Variants in MBP observed in about 807,000 individuals in gnomAD.
MBP encodes Golli-MBP.
MBP carries 16 observed loss-of-function variants against 35.8 expected under a neutral mutation model. The observed-to-expected ratio is 0.45, with a 90% confidence interval of 0.30 to 0.68. MBP has a LOEUF of 0.68. Among genes scored for constraint, MBP ranks in the 30% least tolerant of loss-of-function variants. The pLI, the probability that MBP is intolerant of heterozygous loss-of-function variation, is 0.08. For synonymous variants in MBP, 143 were observed against 159.6 expected (o/e 0.90, Z 0.78); for missense variants, 380 against 404.7 (o/e 0.94, Z 0.52).
At chr18:77,114,222 CAAAAATCACTTTAAAA>C (rs1976573094) in intron 1 of MBP, 1 of 152,144 alleles carries the variant, frequency 6.6e-6, no homozygotes, top group African/African-American at 2.4e-5. Flanking sequence ...TTAAAGTTAT[CAAAAATCACTTTAAAA>C]GAAAATGACG....
chr18:77,079,435 C>A (rs1423487292), intron 2 of MBP, among the ~76,000 whole-genome samples: 1 of 152,186 alleles, frequency 6.6e-6, no homozygotes, highest in African/African-American at 2.4e-5. Context: ...CCAGGACATA[C>A]AATGTTTAGG....
chr18:76,996,974 G>A (rs1970303562), intron 4 of MBP, among the ~76,000 whole-genome samples: 1 of 152,160 alleles, frequency 6.6e-6, no homozygotes, highest in African/African-American at 2.4e-5. Flanking sequence ...GGCAGTCTCA[G>A]GTCTCCCCTG....
At chr18:77,034,426 C>T (rs1398153441) in intron 3 of MBP, among the ~76,000 whole-genome samples, 1 of 152,132 alleles carries the variant, frequency 6.6e-6, no homozygotes, top group Non-Finnish European at 1.5e-5. Flanking sequence ...AGTGCAGACT[C>T]CAGTTGAGCC....
chr18:77,110,372 A>G (rs1320565710), intron 1 of MBP: 3 of 152,024 alleles, frequency 2.0e-5, no homozygotes, highest in Non-Finnish European at 2.9e-5. Context: ...TGGGCCCTGA[A>G]CTCTTTGCTT....
intron 3 of MBP, among the ~76,000 whole-genome samples, chr18:77,028,754 C>A (rs1402692193): frequency 2.0e-5 from 2 of 100,088 alleles, no homozygotes; most frequent in Non-Finnish European, 2.6e-5. Context: ...GGGGGCTGAT[C>A]CCCCCACCTC....
chr18:77,053,051 G>C (rs944740186), intron 3 of MBP, among the ~76,000 whole-genome samples: 1 of 152,220 alleles, frequency 6.6e-6, no homozygotes, highest in Non-Finnish European at 1.5e-5. Flanking sequence ...TAAATAGAAG[G>C]CCCCAAAAGA....
At chr18:77,069,507 A>G (rs1416719379) in intron 2 of MBP, among the ~76,000 whole-genome samples, 5 of 152,230 alleles carry the variant, frequency 3.3e-5, no homozygotes, top group Admixed American at 3.3e-4. Context: ...TGTCTCTCCA[A>G]GCGGGACACC....
At chr18:77,009,892 G>A (rs771687969) in intron 4 of MBP, 5 of 1,596,524 alleles carry the variant, frequency 3.1e-6, no homozygotes, top group Non-Finnish European at 4.3e-6. Flanking sequence ...GGCATGAGAG[G>A]GCAGAGGGCT....
chr18:77,057,824 G>GTTTTGTTTTTTTT lies in MBP; in HGVS notation c.139+8473_139+8474insAAAAAAAACAAAA. Among the ~76,000 whole-genome samples, 2 of 9,192 alleles carry GTTTTGTTTTTTTT rather than the reference G, an allele frequency of 2.2e-4. 1 individual carries two copies. The highest frequency in any genetic ancestry group is 4.6e-3 in the Admixed American group (2 of 438). 6.0% of individuals were successfully genotyped at this position (9,192 alleles called of 152,430 possible). A position where few individuals can be genotyped will look rare whatever the true frequency, so the allele number is the denominator to read the frequency against. ...GGGACACCTGAGGAAGGCGGGGAGTGTTTTTTTTTTTTTTTTTTTTGAGAC... is the reference window on the plus strand; with the variant it reads ...GGGACACCTGAGGAAGGCGGGGAGTGTTTTGTTTTTTTTTTTTTTTTTTTTTTTTTTTTGAGAC... On this transcript the variant is annotated intron_variant, in intron 3 of 8. Transcript: ENST00000355994.
intron 4 of MBP, chr18:77,013,577 G>A: frequency 4.1e-6 from 4 of 985,428 alleles, no homozygotes; most frequent in Non-Finnish European, 4.8e-6. Context: ...ATGACAAACA[G>A]TTCTTCTCCA....
At chr18:77,084,420 G>GCCGCACC (rs1975121295) in intron 2 of MBP, among the ~76,000 whole-genome samples, 2 of 29,328 alleles carry the variant, frequency 6.8e-5, no homozygotes, top group African/African-American at 1.0e-4. Context: ...CGCCCCCCCC[G>GCCGCACC]CCACACCACA....
At chr18:77,067,957 C>T (rs971625637) in intron 2 of MBP, 4 of 425,840 alleles carry the variant, frequency 9.4e-6, no homozygotes, top group African/African-American at 2.0e-5. Context: ...CTCACACCAG[C>T]CAGGGCCCTA....
intron 4 of MBP, among the ~76,000 whole-genome samples, chr18:77,009,106 C>T (rs1393867755): frequency 2.0e-5 from 3 of 152,184 alleles, no homozygotes; most frequent in Non-Finnish European, 4.4e-5. Context: ...TGGAGGGGGG[C>T]CTGGTGGATG....
chr18:76,986,808 G>A (rs1969583608), intron 7 of MBP: 1 of 985,440 alleles, frequency 1.0e-6, no homozygotes, highest in Non-Finnish European at 1.2e-6. Context: ...ATTTTTGAGA[G>A]CTAAATCCGG....
intron 3 of MBP, among the ~76,000 whole-genome samples, chr18:77,038,430 G>A (rs1972860055): frequency 6.6e-6 from 1 of 152,190 alleles, no homozygotes; most frequent in Non-Finnish European, 1.5e-5. Flanking sequence ...TACACAACAG[G>A]GACCCAGAAG....
intron 4 of MBP, chr18:77,012,841 A>G (rs1245071128): frequency 1.0e-6 from 1 of 985,312 alleles, no homozygotes. Context: ...AGAAAAATAT[A>G]TAAAGCCAAA....
At chr18:77,091,440 A>G (rs1054807354) in intron 2 of MBP, among the ~76,000 whole-genome samples, 2 of 152,200 alleles carry the variant, frequency 1.3e-5, no homozygotes, top group African/African-American at 4.8e-5. Context: ...TTAAAATATG[A>G]TAATTAGATT....
Position 77,013,226 on chromosome 18 carries a change from A to G in MBP, c.576+3606T>C, listed in dbSNP as rs926635135. The G allele has an allele frequency of 6.1e-6, 6 of 985,326 alleles. No homozygotes were observed. The African/African-American group carries it at 1.0e-4, about 17-fold the overall frequency. 61.0% of individuals were successfully genotyped at this position (985,326 alleles called of 1,614,324 possible). A position where few individuals can be genotyped will look rare whatever the true frequency, so the allele number is the denominator to read the frequency against. ...AATCTGTGGCCAAATCTCTTATCCA[A>G]TGGAGGTACTGAGTGGCTGGATCAG... On this transcript the variant is annotated intron_variant, in intron 4 of 8. Transcript: ENST00000355994.
intron 3 of MBP, among the ~76,000 whole-genome samples, chr18:77,052,480 C>G (rs1305653987): frequency 6.6e-6 from 1 of 152,172 alleles, no homozygotes; most frequent in Non-Finnish European, 1.5e-5. Context: ...GGTTTGTATT[C>G]CCTCTTTGTT....
Sources: gnomAD v4.1 joint callset for allele counts (sites outside exome capture counted in the v4.1 genomes callset) on GRCh38, gnomAD v4.1.1 for gene constraint, MANE v1.5 for transcripts, NCBI Gene and HGNC (gene_info 2026-07-23, HGNC 2026-07-21) for gene names.